AKAP6: variants seen among roughly 807,000 people sequenced by gnomAD.
AKAP6 encodes the protein A-kinase anchor protein 6.
In AKAP6, 58 loss-of-function variants were observed where a neutral mutation model predicts 188.5. The ratio of observed to expected loss-of-function variants is 0.31; its 90% CI spans 0.25 to 0.38. AKAP6 has a LOEUF of 0.38. Ranked by LOEUF, AKAP6 falls within the 10% of genes least tolerant of loss-of-function variation. The pLI is 1.00. For missense variants in AKAP6, 2,710 were observed against 2,740.0 expected (o/e 0.99, Z 0.24); for synonymous variants, 989 against 998.6 (o/e 0.99, Z 0.18).
At chr14:32,663,890 G>C (rs192615345) in intron 7 of AKAP6, among the ~76,000 whole-genome samples, 2 of 152,082 alleles carry the variant, frequency 1.3e-5, no homozygotes, top group Admixed American at 1.3e-4. Context: ...TCCTACATAA[G>C]GGGGGGAAAT....
intron 4 of AKAP6, among the ~76,000 whole-genome samples, chr14:32,573,833 G>C (rs1884603529): frequency 6.6e-6 from 1 of 152,090 alleles, no homozygotes; most frequent in African/African-American, 2.4e-5. Flanking sequence ...TGTTGTGTGT[G>C]TCCAAATGTG....
intron 5 of AKAP6, among the ~76,000 whole-genome samples, chr14:32,584,086 G>A (rs1055123877): frequency 2.0e-5 from 3 of 152,226 alleles, no homozygotes; most frequent in Non-Finnish European, 4.4e-5. Flanking sequence ...GCTGGGAGCT[G>A]TAGACCGGAG....
At chr14:32,755,448 GTTAGTTGTTTGTTTTGT>G (rs1226530972) in intron 11 of AKAP6, among the ~76,000 whole-genome samples, 1 of 151,612 alleles carries the variant, frequency 6.6e-6, no homozygotes, top group East Asian at 1.9e-4. Flanking sequence ...TGTTAGTTTT[GTTAGTTGTTTGTTTTGT>G]TTAGTTGTTT....
At chr14:32,431,122 A>G (rs1370258032) in intron 1 of AKAP6, among the ~76,000 whole-genome samples, 1 of 150,424 alleles carries the variant, frequency 6.6e-6, no homozygotes, top group Admixed American at 6.6e-5. Context: ...AAAAAATTGG[A>G]GAAATTGGAA....
chr14:32,381,214 C>G (rs1005117395), intron 1 of AKAP6, among the ~76,000 whole-genome samples: 1 of 152,010 alleles, frequency 6.6e-6, no homozygotes, highest in Non-Finnish European at 1.5e-5. Flanking sequence ...GTGGCACACG[C>G]GTGTAATCCC....
intron 1 of AKAP6, among the ~76,000 whole-genome samples, chr14:32,406,456 C>T (rs1046740839): frequency 2.0e-5 from 3 of 152,148 alleles, no homozygotes; most frequent in African/African-American, 7.2e-5. Flanking sequence ...GATCTGCCCA[C>T]CTTGGCCTCT....
intron 2 of AKAP6, among the ~76,000 whole-genome samples, chr14:32,465,696 A>G (rs139984361): frequency 1.3e-5 from 2 of 151,974 alleles, no homozygotes; most frequent in Middle Eastern, 3.4e-3. Flanking sequence ...ACTAAAACAC[A>G]AAAAGCAATT....
chr14:32,793,235 G>A (rs2033662584), intron 12 of AKAP6, among the ~76,000 whole-genome samples: 1 of 151,918 alleles, frequency 6.6e-6, no homozygotes, highest in Admixed American at 6.6e-5. Flanking sequence ...AATGCAAGCT[G>A]GATAAAGAGC....
Position 32,823,584 on chromosome 14 carries a change from G to T in AKAP6, c.5771G>T (p.Gly1924Val), listed in dbSNP as rs373807013. ...GTATCAGAAAATCTTGGTTCACATGGGAAAGAGATTTCAGAGAGTGAGCAT... is the reference window on the plus strand; with the variant it reads ...GTATCAGAAAATCTTGGTTCACATGTGAAAGAGATTTCAGAGAGTGAGCAT... ...SKVSENLGSH[G>V]KEISESEHCK... Residue 1924 changes from glycine to valine, a missense_variant, in exon 13 of 14, where the codon GGG becomes GTG. Transcript: ENST00000280979. 130 of 1,613,794 alleles carry T rather than the reference G, an allele frequency of 8.1e-5. No homozygotes were observed. Among genetic ancestry groups the T allele is most frequent in the Non-Finnish European group, 1.1e-4 (124 of 1,179,934 alleles).
At chr14:32,826,860 G>C (rs542280717) in intron 13 of AKAP6, among the ~76,000 whole-genome samples, 17 of 152,252 alleles carry the variant, frequency 1.1e-4, no homozygotes, top group Middle Eastern at 3.4e-3. Context: ...TTAAGCCCCG[G>C]TGATGCCTGG....
intron 1 of AKAP6, among the ~76,000 whole-genome samples, chr14:32,400,193 G>A (rs1889036479): frequency 6.6e-6 from 1 of 151,804 alleles, no homozygotes; most frequent in Non-Finnish European, 1.5e-5. Flanking sequence ...CTCAGCCTGA[G>A]ATAGAGGAGG....
intron 9 of AKAP6, among the ~76,000 whole-genome samples, chr14:32,719,511 A>C (rs1444041752): frequency 1.3e-5 from 2 of 152,152 alleles, no homozygotes; most frequent in Non-Finnish European, 2.9e-5. Flanking sequence ...TTTTCTTCTT[A>C]TCCTCAGAGA....
intron 2 of AKAP6, among the ~76,000 whole-genome samples, chr14:32,466,627 C>A (rs1024438076): frequency 1.3e-5 from 2 of 150,208 alleles, no homozygotes; most frequent in Admixed American, 6.7e-5. Context: ...CTAATGCATG[C>A]GGGGCTTAAA....
At chr14:32,789,492 C>G (rs969044020) in intron 12 of AKAP6, among the ~76,000 whole-genome samples, 1 of 152,182 alleles carries the variant, frequency 6.6e-6, no homozygotes, top group Non-Finnish European at 1.5e-5. Context: ...CAGGTCAGTA[C>G]CCTACTGGAA....
At position 32,615,167 on chromosome 14, in the gene AKAP6, C is replaced by CAAAAAAAAAAAAAAAAAAAAAAAAAAAA. The variant is rs71115086; in HGVS notation, c.2730+14394_2730+14395insAAAAAAAAAAAAAAAAAAAAAAAAAAAA. Among the ~76,000 whole-genome samples, 86 of 53,464 alleles carry CAAAAAAAAAAAAAAAAAAAAAAAAAAAA rather than the reference C, an allele frequency of 1.6e-3. 17 individuals are homozygous for CAAAAAAAAAAAAAAAAAAAAAAAAAAAA. Among genetic ancestry groups the CAAAAAAAAAAAAAAAAAAAAAAAAAAAA allele is most frequent in the East Asian group, 7.1e-3 (13 of 1,836 alleles). The allele number at this position is 53,464 out of a possible 152,430, so 35.1% of individuals were successfully genotyped here. ...CTGGCAACAGAGCAAGACTCTGTCT[C>CAAAAAAAAAAAAAAAAAAAAAAAAAAAA]AAAAAAAAAAAAAAAAAAAGATAAA... On this transcript the variant is annotated intron_variant, in intron 7 of 13. Transcript: ENST00000280979.
At chr14:32,475,754 T>C (rs1201428385) in intron 2 of AKAP6, among the ~76,000 whole-genome samples, 2 of 149,964 alleles carry the variant, frequency 1.3e-5, no homozygotes, top group African/African-American at 4.9e-5. Context: ...CTCTGCTCAC[T>C]GCAAGCTCCG....
intron 12 of AKAP6, among the ~76,000 whole-genome samples, chr14:32,804,867 T>A (rs1390468580): frequency 6.6e-6 from 1 of 152,152 alleles, no homozygotes; most frequent in East Asian, 1.9e-4. Context: ...TTTAGAGATA[T>A]CTTCCCTACT....
At chr14:32,399,377 A>G (rs1889004358) in intron 1 of AKAP6, among the ~76,000 whole-genome samples, 1 of 152,218 alleles carries the variant, frequency 6.6e-6, no homozygotes, top group Non-Finnish European at 1.5e-5. Flanking sequence ...GAGGTTCTGC[A>G]GATCAAGAGG....
chr14:32,717,442 A>T (rs1014465448), intron 9 of AKAP6, among the ~76,000 whole-genome samples: 9 of 151,852 alleles, frequency 5.9e-5, no homozygotes, highest in Non-Finnish European at 1.3e-4. Flanking sequence ...AGTTTTTAGG[A>T]TTTATTCCCT....
Sources: gnomAD v4.1 joint callset for allele counts (sites outside exome capture counted in the v4.1 genomes callset) on GRCh38, gnomAD v4.1.1 for gene constraint, MANE v1.5 for transcripts, NCBI Gene and HGNC (gene_info 2026-07-23, HGNC 2026-07-21) for gene names.